PCDH15: variants seen among roughly 807,000 people sequenced by gnomAD.
PCDH15 encodes the protein protocadherin-15.
In PCDH15, 129 loss-of-function variants were observed where a neutral mutation model predicts 178.5. The ratio of observed to expected loss-of-function variants is 0.72; its 90% CI spans 0.63 to 0.84. PCDH15 has a LOEUF of 0.84. Ranked by LOEUF, PCDH15 falls within the 40% of genes least tolerant of loss-of-function variation. The pLI, the probability that PCDH15 is intolerant of heterozygous loss-of-function variation, is 0.00. For synonymous variants in PCDH15, 800 were observed against 732.0 expected (o/e 1.09, Z -1.50); for missense variants, 2,230 against 2,099.9 (o/e 1.06, Z -1.21).
chr10:55,615,798 T>G (rs1456422434), intron 2 of PCDH15, among the ~76,000 whole-genome samples: 1 of 152,146 alleles, frequency 6.6e-6, no homozygotes, highest in East Asian at 1.9e-4. Context: ...CTAAGCTGAT[T>G]TGAGCAGGAA....
At position 53,871,009 on chromosome 10, in the gene PCDH15, G is replaced by A. The variant is rs544375585; in HGVS notation, c.3502-4152C>T. Among the ~76,000 whole-genome samples, 7 of 151,934 alleles carry A rather than the reference G, an allele frequency of 4.6e-5. No individual in the cohort carries two copies. In the East Asian group the frequency reaches 1.4e-3, roughly 29 times the overall value. On this transcript the variant is annotated intron_variant, in intron 26 of 37. Coordinates refer to ENST00000644397, the MANE Select transcript of PCDH15 (RefSeq NM_001384140.1). ...TTTGCATTATGTTTTGGAGTGAGGTGGACTCCAATGTCAGGTGTGACTTTG... is the reference window on the plus strand; with the variant it reads ...TTTGCATTATGTTTTGGAGTGAGGTAGACTCCAATGTCAGGTGTGACTTTG...
intron 26 of PCDH15, among the ~76,000 whole-genome samples, chr10:53,876,472 C>T (rs2080253950): frequency 6.6e-6 from 1 of 152,032 alleles, no homozygotes; most frequent in Non-Finnish European, 1.5e-5. Flanking sequence ...AGGCATGAGC[C>T]ACCGCGCCCG....
At chr10:54,717,570 C>A (rs1476484319) in intron 1 of PCDH15, among the ~76,000 whole-genome samples, 1 of 141,162 alleles carries the variant, frequency 7.1e-6, no homozygotes, top group Non-Finnish European at 1.5e-5. Context: ...GATATCATCT[C>A]ACACCAGTTA....
At chr10:55,183,374 A>G (rs1336514072) in intron 1 of PCDH15, among the ~76,000 whole-genome samples, 1 of 151,942 alleles carries the variant, frequency 6.6e-6, no homozygotes, top group Non-Finnish European at 1.5e-5. Context: ...AAAAAATCTG[A>G]GATAAGTTTC....
rs1242524787 is a variant in PCDH15 at position 53,957,501 on chromosome 10, A to ATTTTTTT, written c.3122+2230_3122+2231insAAAAAAA. On this transcript the variant is annotated intron_variant, in intron 23 of 37. Transcript: ENST00000644397. ...GATGACACCAAAGCCTATATTTACTATGTTTTTTTTTTTTTCCTGATAACC... is the reference window on the plus strand; with the variant it reads ...GATGACACCAAAGCCTATATTTACTATTTTTTTTGTTTTTTTTTTTTTCCTGATAACC... Among the ~76,000 whole-genome samples, 8 of 57,152 alleles carry ATTTTTTT rather than the reference A, an allele frequency of 1.4e-4. No individual in the cohort carries two copies. The East Asian group carries it at 8.1e-3, about 58-fold the overall frequency. The allele number at this position is 57,152 out of a possible 152,430, so 37.5% of individuals were successfully genotyped here. A position where few individuals can be genotyped will look rare whatever the true frequency, so the allele number is the denominator to read the frequency against.
chr10:55,020,757 G>A (rs765733310), intron 2 of PCDH15, among the ~76,000 whole-genome samples: 1 of 151,980 alleles, frequency 6.6e-6, no homozygotes, highest in African/African-American at 2.4e-5. Context: ...AAATTCTAGT[G>A]GGCTCCAAGA....
In PCDH15 at chr10:54,020,213, A is replaced by G; in HGVS notation, c.2730T>C (p.Ala910=). The G allele has an allele frequency of 1.2e-6, 2 of 1,613,680 alleles. No homozygotes were observed. The highest frequency in any genetic ancestry group is 1.7e-6 in the Non-Finnish European group (2 of 1,179,716). ...TTACCTTTACAATCACTGTGACAGT[A>G]GCAATACCAGGTGGCATTGTTCCAT... ...DIYGTMPPGI[A]TVTVIVKDMN... is the part of the protein sequence containing the mutation. The change falls in exon 20 of 38, where the codon GCT becomes GCC. Residue 910 remains alanine (A), a synonymous_variant. Coordinates refer to ENST00000644397, the MANE Select transcript of PCDH15 (RefSeq NM_001384140.1).
rs867169541 is a variant in PCDH15 at position 54,127,992 on chromosome 10, T to G, written c.1917+4883A>C. On this transcript the variant is annotated intron_variant, in intron 15 of 37. Transcript: ENST00000644397. ...GGACTGGGAACAGGGTGGGTGGATG[T>G]GATAATCTCACACATGTTCTTGTCT... Among the ~76,000 whole-genome samples, 5 of 152,328 alleles carry G rather than the reference T, an allele frequency of 3.3e-5. 1 individual carries two copies. Among genetic ancestry groups the G allele is most frequent in the Middle Eastern group, 6.8e-3 (2 of 294 alleles).
chr10:54,254,256 T>C (rs911397264), intron 8 of PCDH15, among the ~76,000 whole-genome samples: 2 of 152,106 alleles, frequency 1.3e-5, no homozygotes, highest in Non-Finnish European at 2.9e-5. Context: ...TTTGTAGAGA[T>C]GATGCAAGTC....
intron 10 of PCDH15, among the ~76,000 whole-genome samples, chr10:54,200,411 C>A: frequency 6.6e-6 from 1 of 151,788 alleles, no homozygotes; most frequent in East Asian, 1.9e-4. Flanking sequence ...TCTCCTAATG[C>A]TATCCCTCCC....
chr10:54,031,269 C>A (rs1156668567), intron 18 of PCDH15, among the ~76,000 whole-genome samples: 1 of 151,810 alleles, frequency 6.6e-6, no homozygotes, highest in African/African-American at 2.4e-5. Context: ...TATTTTCCCC[C>A]AATCCAACTT....
chr10:54,373,768 C>G (rs896550026), intron 4 of PCDH15, among the ~76,000 whole-genome samples: 1 of 151,852 alleles, frequency 6.6e-6, no homozygotes, highest in Non-Finnish European at 1.5e-5. Flanking sequence ...GATTTTAGAA[C>G]AAGGAATTGC....
At chr10:53,900,174 T>G (rs2082232476) in intron 26 of PCDH15, among the ~76,000 whole-genome samples, 2 of 149,704 alleles carry the variant, frequency 1.3e-5, no homozygotes, top group African/African-American at 5.1e-5. Context: ...AGCATACACT[T>G]GCATAAACAC....
chr10:55,083,143 A>T (rs1302428475), intron 2 of PCDH15, among the ~76,000 whole-genome samples: 7 of 151,694 alleles, frequency 4.6e-5, no homozygotes, highest in Non-Finnish European at 1.0e-4. Flanking sequence ...TTGATGAAAA[A>T]ATTTGCAAAA....
At chr10:55,468,786 T>C (rs1435152253) in intron 2 of PCDH15, among the ~76,000 whole-genome samples, 1 of 152,188 alleles carries the variant, frequency 6.6e-6, no homozygotes, top group Non-Finnish European at 1.5e-5. Flanking sequence ...CAGGGTTTTT[T>C]ACTTGCTCAA....
At chr10:55,229,944 T>C (rs1321044641) in intron 1 of PCDH15, among the ~76,000 whole-genome samples, 3 of 152,024 alleles carry the variant, frequency 2.0e-5, no homozygotes, top group African/African-American at 7.3e-5. Flanking sequence ...AATAGTAACC[T>C]GCTGAACTCT....
chr10:54,188,297 T>TA (rs2048657591), intron 11 of PCDH15, among the ~76,000 whole-genome samples: 7 of 152,028 alleles, frequency 4.6e-5, no homozygotes, highest in Admixed American at 4.6e-4. Context: ...TGCAACTCTT[T>TA]TAATCATGTT....
At chr10:55,540,370 T>C (rs1337980860) in intron 2 of PCDH15, among the ~76,000 whole-genome samples, 1 of 152,008 alleles carries the variant, frequency 6.6e-6, no homozygotes, top group Admixed American at 6.6e-5. Context: ...TTAAATAATA[T>C]GGGCATGAGG....
At chr10:55,372,875 AACATTCTATTTATT>A (rs1277260769) in intron 2 of PCDH15, among the ~76,000 whole-genome samples, 10 of 152,162 alleles carry the variant, frequency 6.6e-5, no homozygotes, top group Non-Finnish European at 1.3e-4. Flanking sequence ...TCCACGTAAA[AACATTCTATTTATT>A]ACATTCTATT....
Sources: allele counts gnomAD v4.1 joint callset (sites outside exome capture counted in the v4.1 genomes callset), GRCh38; gene constraint gnomAD v4.1.1; transcripts MANE v1.5; gene names NCBI Gene and HGNC (gene_info 2026-07-23, HGNC 2026-07-21).